Variants in B4GALNT3 observed in about 807,000 individuals in gnomAD.
B4GALNT3 encodes beta-1,4-N-acetylgalactosaminyltransferase 3.
A neutral mutation model predicts 120.2 loss-of-function variants in B4GALNT3; 86 were observed. That is an observed-to-expected ratio of 0.72 (90% confidence interval 0.60 to 0.86). B4GALNT3 has a LOEUF of 0.86. Ranked by LOEUF, B4GALNT3 falls within the 40% of genes least tolerant of loss-of-function variation. B4GALNT3 has a pLI of 0.00. For missense variants in B4GALNT3, 1,167 were observed against 1,298.9 expected (o/e 0.90, Z 1.56); for synonymous variants, 518 against 510.4 (o/e 1.01, Z -0.20).
chr12:495,989 C>T (rs575501927), intron 1 of B4GALNT3, among the ~76,000 whole-genome samples: 2 of 152,312 alleles, frequency 1.3e-5, no homozygotes, highest in East Asian at 1.9e-4. Context: ...AGCAGATTCA[C>T]ATCATTCTCC....
At chr12:525,335 C>T (rs1314002330) in intron 1 of B4GALNT3, among the ~76,000 whole-genome samples, 1 of 152,200 alleles carries the variant, frequency 6.6e-6, no homozygotes, top group East Asian at 1.9e-4. Flanking sequence ...TCTCGAACTC[C>T]TGACCTCAGG....
chr12:472,706 G>A (rs1946149033), intron 1 of B4GALNT3, among the ~76,000 whole-genome samples: 1 of 152,102 alleles, frequency 6.6e-6, no homozygotes, highest in Non-Finnish European at 1.5e-5. Context: ...CAAAGTGCTG[G>A]GATTACAGGC....
At chr12:554,478 A>G (rs767341753) in intron 14 of B4GALNT3, among the ~76,000 whole-genome samples, 10 of 152,190 alleles carry the variant, frequency 6.6e-5, no homozygotes, top group Non-Finnish European at 1.3e-4. Context: ...TTTAAGGTGT[A>G]CCTTTCAGTG....
intron 1 of B4GALNT3, among the ~76,000 whole-genome samples, chr12:462,038 C>T (rs1054678539): frequency 1.3e-5 from 2 of 152,160 alleles, no homozygotes; most frequent in African/African-American, 4.8e-5. Context: ...GGGGCCACGA[C>T]TCCAAGCAGC....
At chr12:528,417 G>A (rs935540045) in intron 1 of B4GALNT3, among the ~76,000 whole-genome samples, 32 of 152,204 alleles carry the variant, frequency 2.1e-4, no homozygotes, top group Admixed American at 1.9e-3. Flanking sequence ...TAAAACACCC[G>A]ATGTTTCACT....
At chr12:523,033 A>G (rs559101598) in intron 1 of B4GALNT3, among the ~76,000 whole-genome samples, 1 of 152,088 alleles carries the variant, frequency 6.6e-6, no homozygotes, top group South Asian at 2.1e-4. Context: ...AATTAAATTT[A>G]AAAAAGAGAG....
intron 1 of B4GALNT3, among the ~76,000 whole-genome samples, chr12:526,298 C>G (rs898950234): frequency 1.3e-5 from 2 of 152,190 alleles, no homozygotes; most frequent in African/African-American, 4.8e-5. Flanking sequence ...GCCTGCTGAT[C>G]GCTTACTCCT....
chr12:496,232 T>G (rs892977365), intron 1 of B4GALNT3, among the ~76,000 whole-genome samples: 5 of 152,194 alleles, frequency 3.3e-5, no homozygotes, highest in African/African-American at 1.2e-4. Context: ...TCCAGCAGCC[T>G]TGGTCCCTGG....
At chr12:512,469 C>T (rs114470253) in intron 1 of B4GALNT3, among the ~76,000 whole-genome samples, 8,820 of 129,570 alleles carry the variant, frequency 0.068, 387 homozygotes, top group Middle Eastern at 0.099. Context: ...TTCCACCTTC[C>T]GCCCACCTTC....
chr12:543,035 AG>A (rs765369720), intron 3 of B4GALNT3: 56 of 1,138,392 alleles, frequency 4.9e-5, no homozygotes, highest in Non-Finnish European at 6.1e-5. Context: ...GGCTCCTCCT[AG>A]TTCCCTGTCC....
chr12:474,052 A>G (rs985837597), intron 1 of B4GALNT3, among the ~76,000 whole-genome samples: 4 of 151,912 alleles, frequency 2.6e-5, no homozygotes, highest in Non-Finnish European at 5.9e-5. Context: ...GTAGAAGAGG[A>G]AAAAAATGTA....
intron 1 of B4GALNT3, among the ~76,000 whole-genome samples, chr12:512,107 CCTT>C (rs1192330925): frequency 1.7e-4 from 23 of 133,864 alleles, no homozygotes; most frequent in East Asian, 1.2e-3. Flanking sequence ...CCACCTTCCA[CCTT>C]CTTCCACCTT....
intron 1 of B4GALNT3, among the ~76,000 whole-genome samples, chr12:498,370 G>A (rs941044434): frequency 2.0e-5 from 3 of 152,118 alleles, no homozygotes; most frequent in Non-Finnish European, 2.9e-5. Flanking sequence ...TCACTGAGAG[G>A]CCACTGTGTG....
chr12:543,313 G>A (rs1946941731), intron 3 of B4GALNT3: 12 of 911,504 alleles, frequency 1.3e-5, no homozygotes, highest in Non-Finnish European at 1.8e-5. Flanking sequence ...CCGGAGCTGA[G>A]GAGCTGGGAT....
At chr12:470,839 A>G (rs2120432464) in intron 1 of B4GALNT3, among the ~76,000 whole-genome samples, 1 of 152,196 alleles carries the variant, frequency 6.6e-6, no homozygotes, top group South Asian at 2.1e-4. Context: ...CCCAGGTTCA[A>G]GACATTCTCC....
rs1281371039 is a variant in B4GALNT3 at position 549,841 on chromosome 12, A to G, written c.926A>G (p.Asn309Ser). 1.9e-6 allele frequency: 3 copies of G among 1,613,772 alleles called. No homozygotes were observed. Among genetic ancestry groups the G allele is most frequent in the Non-Finnish European group, 2.5e-6 (3 of 1,180,006 alleles). ...QTAASHVDSSNALPRDEQPPA... is the reference protein window; with the variant it reads ...QTAASHVDSSSALPRDEQPPA... The stretch of plus-strand genomic sequence containing the variant: ...GCAGCCAGCCACGTGGACTCCTCCA[A>G]CGCTCTTCCCAGGGATGAGCAGCCG... Residue 309 changes from asparagine (N) to serine (S), a missense_variant, in exon 10 of 20, where the codon AAC becomes AGC. Around this residue, in one of 3 missense-constraint regions of B4GALNT3, gnomAD observed 983 missense variants for 1,102.5 expected, o/e 0.89. Transcript: ENST00000266383.
intron 1 of B4GALNT3, among the ~76,000 whole-genome samples, chr12:469,427 C>A (rs901316005): frequency 6.6e-6 from 1 of 152,140 alleles, no homozygotes; most frequent in African/African-American, 2.4e-5. Flanking sequence ...GACAAATAGA[C>A]ACATTCCTCA....
chr12:500,504 A>C (rs2120535915), intron 1 of B4GALNT3, among the ~76,000 whole-genome samples: 1 of 152,206 alleles, frequency 6.6e-6, no homozygotes, highest in South Asian at 2.1e-4. Context: ...AGGTGGTGGG[A>C]GCCAGGATAA....
intron 14 of B4GALNT3, among the ~76,000 whole-genome samples, chr12:554,932 C>T (rs1222923437): frequency 6.6e-6 from 1 of 151,746 alleles, no homozygotes; most frequent in African/African-American, 2.4e-5. Context: ...AATCCCAACA[C>T]TTTGGGAGAC....
Sources: gnomAD v4.1 joint callset for allele counts (sites outside exome capture counted in the v4.1 genomes callset) on GRCh38, gnomAD v4.1.1 for gene constraint, gnomAD v4.1.1 regional missense constraint, MANE v1.5 for transcripts, NCBI Gene and HGNC (gene_info 2026-07-23, HGNC 2026-07-21) for gene names.